The following NMNAT3 variants were observed in gnomAD, a reference collection of about 807,000 sequenced individuals.
The protein encoded by NMNAT3 is nicotinamide nucleotide adenylyltransferase 3.
A neutral mutation model predicts 24.8 loss-of-function variants in NMNAT3; 21 were observed. That is an observed-to-expected ratio of 0.85 (90% CI 0.60 to 1.22). The LOEUF is 1.22. NMNAT3 is among the 50% of genes most tolerant of loss of function. The pLI is 0.00. For synonymous variants in NMNAT3, 136 were observed against 155.2 expected, an observed-to-expected ratio of 0.88 and a Z score of 0.92; for missense variants, 387 against 436.6, an observed-to-expected ratio of 0.89 and a Z score of 1.01.
chr3:139,602,704 C>T (rs920267348), intron 3 of NMNAT3, among the ~76,000 whole-genome samples: 2 of 152,158 alleles, frequency 1.3e-5, no homozygotes, highest in Non-Finnish European at 2.9e-5. Context: ...TGGGCTCCAA[C>T]GTAAACAAGG....
At chr3:139,603,716 G>A (rs2054816479) in intron 3 of NMNAT3, among the ~76,000 whole-genome samples, 1 of 151,864 alleles carries the variant, frequency 6.6e-6, no homozygotes, top group South Asian at 2.1e-4. Flanking sequence ...ATCACTAACA[G>A]CATTACCACC....
chr3:139,659,615 A>G (rs2057352175), intron 1 of NMNAT3, among the ~76,000 whole-genome samples: 1 of 152,260 alleles, frequency 6.6e-6, no homozygotes, highest in Non-Finnish European at 1.5e-5. Flanking sequence ...AGTAAAGATA[A>G]GAAAAACCTC....
At chr3:139,670,931 G>T in intron 1 of NMNAT3, among the ~76,000 whole-genome samples, 1 of 152,278 alleles carries the variant, frequency 6.6e-6, no homozygotes, top group East Asian at 1.9e-4. Flanking sequence ...ACATCTGCAG[G>T]CCATTCAGCC....
chr3:139,673,617 G>C (rs372079736), intron 1 of NMNAT3, among the ~76,000 whole-genome samples: 1 of 152,196 alleles, frequency 6.6e-6, no homozygotes, highest in East Asian at 1.9e-4. Context: ...CTTCAGGAGA[G>C]TTAAGCCAGT....
At chr3:139,632,880 A>G (rs1217207617) in intron 2 of NMNAT3, among the ~76,000 whole-genome samples, 1 of 152,200 alleles carries the variant, frequency 6.6e-6, no homozygotes, top group Non-Finnish European at 1.5e-5. Flanking sequence ...TACAGATGTG[A>G]TTACATAAAG....
intron 3 of NMNAT3, among the ~76,000 whole-genome samples, chr3:139,587,649 A>G (rs116385313): frequency 0.026 from 3,971 of 152,278 alleles, 187 homozygotes; most frequent in African/African-American, 0.088. Flanking sequence ...CCTTGAAGTG[A>G]CATATTTTTT....
intron 3 of NMNAT3, among the ~76,000 whole-genome samples, chr3:139,609,002 C>T (rs2055071278): frequency 6.6e-6 from 1 of 152,152 alleles, no homozygotes; most frequent in Non-Finnish European, 1.5e-5. Context: ...TAGTATGTAA[C>T]CTTTTAGGAT....
At chr3:139,659,963 C>T (rs2057362507) in intron 1 of NMNAT3, among the ~76,000 whole-genome samples, 1 of 152,194 alleles carries the variant, frequency 6.6e-6, no homozygotes, top group African/African-American at 2.4e-5. Context: ...GGCTGGGGCC[C>T]AGCAACTTGG....
intron 1 of NMNAT3, among the ~76,000 whole-genome samples, chr3:139,675,057 T>A (rs1191771977): frequency 1.3e-5 from 2 of 151,912 alleles, no homozygotes; most frequent in African/African-American, 4.8e-5. Context: ...AGCTGCGACA[T>A]ACATGAAAAT....
At chr3:139,570,298 G>A (rs544242563) in intron 6 of NMNAT3, 6 of 152,134 alleles carry the variant, frequency 3.9e-5, no homozygotes, top group African/African-American at 1.4e-4. Context: ...ATTTCCTCCT[G>A]TAGCTCGGAG....
At chr3:139,608,050 T>C (rs2055023414) in intron 3 of NMNAT3, among the ~76,000 whole-genome samples, 2 of 152,236 alleles carry the variant, frequency 1.3e-5, no homozygotes, top group African/African-American at 2.4e-5. Flanking sequence ...GTTTTCTGAA[T>C]GCTCTTTGCA....
chr3:139,654,792 C>A (rs1048341814), intron 1 of NMNAT3, among the ~76,000 whole-genome samples: 1 of 152,200 alleles, frequency 6.6e-6, no homozygotes, highest in Non-Finnish European at 1.5e-5. Flanking sequence ...TCCTTGACTG[C>A]CATTAATAAT....
At chr3:139,673,840 G>A (rs1301594384) in intron 1 of NMNAT3, among the ~76,000 whole-genome samples, 2 of 151,960 alleles carry the variant, frequency 1.3e-5, no homozygotes, top group African/African-American at 4.8e-5. Flanking sequence ...GCTAAGTACA[G>A]GGAACACTTG....
At chr3:139,634,406 C>A (rs2108333061) in intron 2 of NMNAT3, 1 of 152,296 alleles carries the variant, frequency 6.6e-6, no homozygotes, top group South Asian at 2.1e-4. Flanking sequence ...TGACCAGACT[C>A]CTCATCTTAA....
At chr3:139,615,987 C>G (rs2055483502) in intron 3 of NMNAT3, among the ~76,000 whole-genome samples, 1 of 152,126 alleles carries the variant, frequency 6.6e-6, no homozygotes, top group African/African-American at 2.4e-5. Context: ...TCTCCTTGTT[C>G]TTATACATTC....
Position 139,677,956 on chromosome 3 carries a change from C to T in NMNAT3, c.-392G>A, listed in dbSNP as rs1219684840. The T allele has an allele frequency of 1.3e-5, 2 of 152,212 alleles. No individual in the cohort carries two copies. The highest frequency in any genetic ancestry group is 4.8e-5 in the African/African-American group (2 of 41,432). 9.4% of individuals were successfully genotyped at this position (152,212 alleles called of 1,614,324 possible). A position where few individuals can be genotyped will look rare whatever the true frequency, so the allele number is the denominator to read the frequency against. On this transcript the variant is annotated 5_prime_UTR_variant, in exon 1 of 7. Coordinates refer to ENST00000643695, the MANE Select transcript of NMNAT3 (RefSeq NM_001320510.2). ...TTGACCTTGCGCTCCCTTAGCGGCC[C>T]CGGGCAGATGGAGTCTGAGGGAAAC... is the stretch of plus-strand genomic sequence containing the variant.
At chr3:139,655,560 T>C (rs931146100) in intron 1 of NMNAT3, among the ~76,000 whole-genome samples, 4 of 152,218 alleles carry the variant, frequency 2.6e-5, no homozygotes, top group African/African-American at 9.6e-5. Context: ...AAGGTTTTGA[T>C]TATCAGCCTG....
chr3:139,582,190 C>CAAAAAAAAAA (rs756159164), intron 4 of NMNAT3, among the ~76,000 whole-genome samples: 3 of 23,066 alleles, frequency 1.3e-4, no homozygotes, highest in Non-Finnish European at 1.8e-4. Context: ...GACTCCCTCT[C>CAAAAAAAAAA]AAAAAAAAAA....
At chr3:139,570,877 G>C (rs2108039774) in intron 6 of NMNAT3, 1 of 152,730 alleles carries the variant, frequency 6.5e-6, no homozygotes, top group East Asian at 1.9e-4. Flanking sequence ...GCGTCAGAGA[G>C]GGACATTTTA....
Sources: gnomAD v4.1 joint callset for allele counts (sites outside exome capture counted in the v4.1 genomes callset) on GRCh38, gnomAD v4.1.1 for gene constraint, MANE v1.5 for transcripts, NCBI Gene and HGNC (gene_info 2026-07-23, HGNC 2026-07-21) for gene names.